ADGRV1: variants seen among roughly 807,000 people sequenced by gnomAD.
The protein encoded by ADGRV1 is G-protein coupled receptor 98.
In ADGRV1, 359 loss-of-function variants were observed where a neutral mutation model predicts 596.2. That is an observed-to-expected ratio of 0.60 (90% CI 0.55 to 0.66). ADGRV1 has a LOEUF of 0.66. ADGRV1 is among the 30% of genes least tolerant of loss of function. The pLI is 0.00. For synonymous variants in ADGRV1, 2,681 were observed against 2,679.2 expected, an observed-to-expected ratio of 1.00 and a Z score of -0.02; for missense variants, 7,274 against 7,575.6, an observed-to-expected ratio of 0.96 and a Z score of 1.48.
At chr5:90,772,313 T>G (rs1351242404) in intron 59 of ADGRV1, among the ~76,000 whole-genome samples, 2 of 152,176 alleles carry the variant, frequency 1.3e-5, no homozygotes, top group African/African-American at 2.4e-5. Context: ...CCAGCCGAGG[T>G]TGAAGAAGCC....
At chr5:90,681,708 A>C (rs1351560811) in intron 27 of ADGRV1, among the ~76,000 whole-genome samples, 1 of 152,154 alleles carries the variant, frequency 6.6e-6, no homozygotes, top group East Asian at 1.9e-4. Flanking sequence ...CTGTACTACA[A>C]GTATTTATCT....
intron 85 of ADGRV1, among the ~76,000 whole-genome samples, chr5:90,986,626 T>G (rs959106506): frequency 6.6e-6 from 1 of 151,894 alleles, no homozygotes; most frequent in Non-Finnish European, 1.5e-5. Flanking sequence ...TGTAATTCTG[T>G]CTTTTTATTG....
intron 85 of ADGRV1, among the ~76,000 whole-genome samples, chr5:91,001,465 T>C (rs548758515): frequency 6.6e-6 from 1 of 152,306 alleles, no homozygotes; most frequent in South Asian, 2.1e-4. Context: ...TGTCATAATA[T>C]GTTATTGTTT....
chr5:90,945,803 C>A (rs925343034), intron 83 of ADGRV1, among the ~76,000 whole-genome samples: 7 of 151,982 alleles, frequency 4.6e-5, no homozygotes, highest in African/African-American at 1.7e-4. Context: ...ATGGCGAAAC[C>A]CTGTCTCTAC....
At chr5:91,066,193 G>A (rs1819074) in intron 85 of ADGRV1, among the ~76,000 whole-genome samples, 90,133 of 152,026 alleles carry the variant, frequency 0.59, 27,334 homozygotes, top group South Asian at 0.68. Context: ...GCCCTGGTGC[G>A]GGCATTGCCT....
At chr5:90,657,150 GC>G (rs1051659609) in intron 20 of ADGRV1, among the ~76,000 whole-genome samples, 1 of 151,272 alleles carries the variant, frequency 6.6e-6, no homozygotes, top group African/African-American at 2.4e-5. Context: ...AGTGGCCCAT[GC>G]CTGTAATTGC....
rs146326388 is a variant in ADGRV1, at chr5:90,721,186, C to T, written c.9748+127C>T. 6.3e-6 allele frequency: 5 copies of T among 788,288 alleles called. No homozygotes were observed. The African/African-American group carries it at 8.9e-5, about 14-fold the overall frequency. The allele number at this position is 788,288 out of a possible 1,614,324, so 48.8% of individuals were successfully genotyped here. A position where few individuals can be genotyped will look rare whatever the true frequency, so the allele number is the denominator to read the frequency against. Reference sequence around the variant, plus strand: ...AAAATGGAAAACAGATAATCTAATTCTTTTATTGCATCTATAAATATGTGT... The same window carrying T: ...AAAATGGAAAACAGATAATCTAATTTTTTTATTGCATCTATAAATATGTGT... On this transcript the variant is annotated intron_variant, in intron 45 of 89. Coordinates refer to ENST00000405460, the MANE Select transcript of ADGRV1 (RefSeq NM_032119.4).
intron 75 of ADGRV1, among the ~76,000 whole-genome samples, chr5:90,820,524 A>G (rs1459600642): frequency 6.6e-6 from 1 of 151,334 alleles, no homozygotes; most frequent in Non-Finnish European, 1.5e-5. Context: ...TGGTCTTTAC[A>G]TTTTGGCATG....
intron 81 of ADGRV1, 50 bp from the exon 82 acceptor site, chr5:90,855,691 C>G: frequency 7.5e-7 from 1 of 1,329,088 alleles, no homozygotes; most frequent in African/African-American, 1.5e-5. Flanking sequence ...CATCTCAACA[C>G]CTTCAGTATT....
chr5:90,685,234 G>A (rs1745450763), intron 28 of ADGRV1, among the ~76,000 whole-genome samples: 1 of 152,120 alleles, frequency 6.6e-6, no homozygotes, highest in Admixed American at 6.6e-5. Context: ...AATCCCGAAT[G>A]TCTAGATTAA....
chr5:90,694,214 G>T lies in ADGRV1; in HGVS notation c.7458G>T (p.Met2486Ile). The T allele has an allele frequency of 6.2e-7, 1 of 1,613,898 alleles. No homozygotes were observed. Among genetic ancestry groups the T allele is most frequent in the Non-Finnish European group, 8.5e-7 (1 of 1,179,852 alleles). ...NSDFWTYRKN[M>I]TRVASLFSGQ... Reference sequence around the variant, plus strand: ...ACTTCTGGACCTACAGGAAAAACATGACCAGGGTAGCATCTCTTTTTAGTG... The same window carrying T: ...ACTTCTGGACCTACAGGAAAAACATTACCAGGGTAGCATCTCTTTTTAGTG... Residue 2486 changes from methionine (M) to isoleucine (I), a missense_variant, in exon 33 of 90, where the codon ATG becomes ATT. By Grantham distance (10) the Met-to-Ile change is conservative (BLOSUM62 1). Coordinates refer to ENST00000405460, the MANE Select transcript of ADGRV1 (RefSeq NM_032119.4).
At chr5:91,010,949 C>A (rs746861303) in intron 85 of ADGRV1, among the ~76,000 whole-genome samples, 5 of 151,862 alleles carry the variant, frequency 3.3e-5, no homozygotes, top group Non-Finnish European at 7.4e-5. Flanking sequence ...CACTTAAACT[C>A]ACTATTTGAT....
intron 58 of ADGRV1, among the ~76,000 whole-genome samples, chr5:90,760,275 CAAAAA>C (rs5869517): frequency 2.6e-5 from 2 of 77,572 alleles, no homozygotes. Flanking sequence ...GACTTCGTCT[CAAAAA>C]AAAAAAAAAA....
intron 83 of ADGRV1, among the ~76,000 whole-genome samples, chr5:90,925,320 G>C (rs1388558982): frequency 6.6e-6 from 1 of 150,796 alleles, no homozygotes; most frequent in Non-Finnish European, 1.5e-5. Flanking sequence ...GCAGTGGTTT[G>C]TAGTTCTCCT....
chr5:90,745,097 C>A lies in ADGRV1; in HGVS notation c.10601C>A (p.Ser3534Ter). The change falls in exon 51 of 90, where the codon TCG (serine) becomes TAG (stop). Residue 3534 changes from serine to a stop codon, truncating the protein, a stop_gained. Coordinates refer to ENST00000405460, the MANE Select transcript of ADGRV1 (RefSeq NM_032119.4). LOFTEE classifies it high-confidence loss of function. ...QDMSALYCWN[S>*]ERNQFSFVLE... is the part of the protein sequence containing the mutation. ...ATGTCTGCTCTTTACTGCTGGAATT[C>A]GGAGCGTAATCAATTCTCTTTTGTT... 6.2e-7 allele frequency: 1 copy of A among 1,613,688 alleles called. No individual in the cohort carries two copies. The highest frequency in any genetic ancestry group is 8.5e-7 in the Non-Finnish European group (1 of 1,179,770).
intron 83 of ADGRV1, among the ~76,000 whole-genome samples, chr5:90,885,723 G>C (rs570478909): frequency 1.3e-5 from 2 of 152,260 alleles, no homozygotes; most frequent in African/African-American, 4.8e-5. Context: ...CAGGAGAGGG[G>C]TTGGAAACAG....
intron 84 of ADGRV1, among the ~76,000 whole-genome samples, chr5:90,976,614 GCT>G (rs1275317659): frequency 1.7e-4 from 26 of 151,854 alleles, no homozygotes; most frequent in Admixed American, 1.7e-3. Context: ...CATGAAACAT[GCT>G]CTCAGTTGGA....
chr5:90,696,977 C>T lies in ADGRV1; in HGVS notation c.7986C>T (p.Asp2662=). The T allele has an allele frequency of 1.2e-6, 2 of 1,612,888 alleles. No homozygotes were observed. Among genetic ancestry groups the T allele is most frequent in the Non-Finnish European group, 1.7e-6 (2 of 1,179,190 alleles). Residue 2662 remains aspartate (D), a synonymous_variant, in exon 34 of 90, where the codon GAC becomes GAT. Coordinates refer to ENST00000405460, the MANE Select transcript of ADGRV1 (RefSeq NM_032119.4). ...CAGTCATTTTAACCATCTTGGATGA[C>T]TCTGAACCAGAGGATGACGAAAGTA... ...KKTVILTILD[D]SEPEDDESII...
In ADGRV1 at chr5:90,807,616, T is replaced by TC. The variant is rs1762027044; in HGVS notation, c.14854dup (p.His4952ProfsTer3). The TC allele has an allele frequency of 4.3e-6, 7 of 1,612,462 alleles. No individual in the cohort carries two copies. Among genetic ancestry groups the TC allele is most frequent in the Non-Finnish European group, 5.9e-6 (7 of 1,178,890 alleles). On this transcript the variant is annotated frameshift_variant, in exon 73 of 90. Transcript: ENST00000405460. LOFTEE classifies it high-confidence loss of function. ...TTTTCTTTCAGGGAGCCTTTCATTT[T>TC]CCCACGGTGAACAAAGGAAAGGAGT...
Sources: gnomAD v4.1 joint callset for allele counts (sites outside exome capture counted in the v4.1 genomes callset) on GRCh38, gnomAD v4.1.1 for gene constraint, MANE v1.5 for transcripts, NCBI Gene and HGNC (gene_info 2026-07-23, HGNC 2026-07-21) for gene names.